WDR7: variants seen among roughly 807,000 people sequenced by gnomAD.
WDR7 encodes the protein WD repeat domain 7.
Under a neutral mutation model 169.4 loss-of-function variants are expected in WDR7, and 46 were observed. That is an observed-to-expected ratio of 0.27 (90% CI 0.21 to 0.35). The LOEUF (loss-of-function observed/expected upper bound fraction) is 0.35. Among genes scored for constraint, WDR7 ranks in the 10% least tolerant of loss-of-function variants. WDR7 has a pLI of 1.00. For synonymous variants in WDR7, 612 were observed against 666.8 expected, an observed-to-expected ratio of 0.92 and a Z score of 1.27; for missense variants, 1,534 against 1,859.3, an observed-to-expected ratio of 0.83 and a Z score of 3.22.
intron 12 of WDR7, among the ~76,000 whole-genome samples, chr18:56,698,458 T>C (rs2144653314): frequency 6.6e-6 from 1 of 151,652 alleles, no homozygotes; most frequent in Non-Finnish European, 1.5e-5. Flanking sequence ...TACAAAAAAT[T>C]AGCTGGGCAT....
intron 20 of WDR7, among the ~76,000 whole-genome samples, chr18:56,843,043 T>C (rs1318002445): frequency 6.6e-6 from 1 of 152,224 alleles, no homozygotes; most frequent in East Asian, 1.9e-4. Flanking sequence ...AAGCTTTGAT[T>C]CTGGTGATTC....
intron 19 of WDR7, among the ~76,000 whole-genome samples, chr18:56,801,194 C>G (rs115609773): frequency 1.4e-3 from 220 of 152,182 alleles, no homozygotes; most frequent in African/African-American, 5.0e-3. Context: ...TTTTTCAACC[C>G]TAGAAGACAT....
At chr18:56,980,573 A>T (rs1025898393) in intron 26 of WDR7, among the ~76,000 whole-genome samples, 2 of 148,894 alleles carry the variant, frequency 1.3e-5, no homozygotes, top group African/African-American at 5.2e-5. Flanking sequence ...AAATAATTAA[A>T]GAAACACATT....
intron 14 of WDR7, among the ~76,000 whole-genome samples, chr18:56,734,276 G>A (rs907303259): frequency 5.9e-5 from 9 of 151,876 alleles, no homozygotes; most frequent in Middle Eastern, 3.4e-3. Flanking sequence ...CTTTATTCCC[G>A]TTCCTTTTGA....
chr18:57,024,986 A>G (rs1021902197), intron 27 of WDR7, among the ~76,000 whole-genome samples: 2 of 152,184 alleles, frequency 1.3e-5, no homozygotes, highest in Admixed American at 1.3e-4. Context: ...GGCATTTATC[A>G]AAGTAGGGAT....
At chr18:56,767,931 C>T (rs962993707) in intron 16 of WDR7, among the ~76,000 whole-genome samples, 3 of 152,238 alleles carry the variant, frequency 2.0e-5, no homozygotes, top group Admixed American at 6.5e-5. Flanking sequence ...ATATACTCAA[C>T]GAATCAATGG....
At chr18:56,959,180 G>A (rs1180205205) in intron 25 of WDR7, among the ~76,000 whole-genome samples, 1 of 152,060 alleles carries the variant, frequency 6.6e-6, no homozygotes, top group East Asian at 1.9e-4. Context: ...TTCAAGCAGA[G>A]GGAGCAGCAA....
In WDR7 at chr18:56,731,542, A is replaced by G. The variant is rs765647665; in HGVS notation, c.1934A>G (p.His645Arg). ...CTTGCTGCTCTTAAAAATATGGCCC[A>G]TCATAAGCTACAAACCCTTGCAACT... ...RSLAALKNMAHHKLQTLATNL... is the reference protein window; with the variant it reads ...RSLAALKNMARHKLQTLATNL... Residue 645 changes from histidine (H) to arginine (R), a missense_variant, in exon 14 of 28, where the codon CAT (histidine) becomes CGT (arginine). His to Arg is a conservative substitution (Grantham distance 29). Transcript: ENST00000254442. 12 of 1,614,130 alleles carry G rather than the reference A, an allele frequency of 7.4e-6. No individual in the cohort carries two copies. The highest frequency in any genetic ancestry group is 8.5e-7 in the Non-Finnish European group (1 of 1,180,024).
chr18:56,774,734 A>G (rs1277407737), intron 16 of WDR7, among the ~76,000 whole-genome samples: 1 of 152,078 alleles, frequency 6.6e-6, no homozygotes, highest in African/African-American at 2.4e-5. Flanking sequence ...AAAGTGCTGT[A>G]GATTTTGCCA....
chr18:57,014,588 C>T (rs767854078), intron 26 of WDR7, among the ~76,000 whole-genome samples: 1 of 151,608 alleles, frequency 6.6e-6, no homozygotes, highest in Non-Finnish European at 1.5e-5. Context: ...ACCTGAGATG[C>T]GGAGGTTGCA....
chr18:56,960,138 AATGAAAAATGCAG>A (rs1430460917), intron 25 of WDR7, among the ~76,000 whole-genome samples: 1 of 152,234 alleles, frequency 6.6e-6, no homozygotes, highest in Non-Finnish European at 1.5e-5. Flanking sequence ...AATTCCAAAG[AATGAAAAATGCAG>A]ACCTGTAATA....
chr18:56,996,955 A>AG (rs1312053916), intron 26 of WDR7, among the ~76,000 whole-genome samples: 2 of 152,220 alleles, frequency 1.3e-5, no homozygotes, highest in African/African-American at 4.8e-5. Flanking sequence ...ACTAAGAAGA[A>AG]GAAAAAAAAA....
Position 56,757,254 on chromosome 18 carries a change from C to T in WDR7, c.2661C>T (p.Thr887=), listed in dbSNP as rs533896959. The part of the protein sequence containing the change: ...KGTYGVSRAV[T]TQHLLSIISL... Reference sequence around the variant, plus strand: ...CTTACGGAGTGTCCCGTGCCGTCACCACACAGCATCTCCTGTCTATCATTT... The same window carrying T: ...CTTACGGAGTGTCCCGTGCCGTCACTACACAGCATCTCCTGTCTATCATTT... Residue 887 remains threonine, a synonymous_variant, in exon 15 of 28, where the codon ACC becomes ACT. Transcript: ENST00000254442. 1 of 1,614,148 alleles carries T rather than the reference C, an allele frequency of 6.2e-7. No individual in the cohort carries two copies. Among genetic ancestry groups the T allele is most frequent in the Middle Eastern group, 1.6e-4 (1 of 6,062 alleles).
chr18:56,882,893 G>T (rs564488131), intron 21 of WDR7, among the ~76,000 whole-genome samples: 1 of 152,226 alleles, frequency 6.6e-6, no homozygotes, highest in South Asian at 2.1e-4. Context: ...GTTTCATTTA[G>T]AATTTTTCCA....
chr18:56,702,749 A>G (rs1042667651), intron 12 of WDR7, among the ~76,000 whole-genome samples: 1 of 152,244 alleles, frequency 6.6e-6, no homozygotes, highest in African/African-American at 2.4e-5. Context: ...AGGGAAAGCT[A>G]GTGCCAAATT....
chr18:56,959,056 C>T (rs184937847), intron 25 of WDR7, among the ~76,000 whole-genome samples: 1 of 152,154 alleles, frequency 6.6e-6, no homozygotes, highest in East Asian at 1.9e-4. Flanking sequence ...GGGTAAAAGG[C>T]TGTTGTGTTA....
At chr18:56,916,105 T>G (rs6566844) in intron 21 of WDR7, among the ~76,000 whole-genome samples, 127,151 of 152,122 alleles carry the variant, frequency 0.84, 53,327 homozygotes, top group East Asian at 0.98. Context: ...GAAACATCAA[T>G]GGAAAACTTA....
intron 25 of WDR7, among the ~76,000 whole-genome samples, chr18:56,948,421 A>G (rs191758573): frequency 2.0e-5 from 3 of 152,340 alleles, no homozygotes; most frequent in Admixed American, 6.5e-5. Flanking sequence ...TTCAAAAAAA[A>G]AAAAGATCCT....
chr18:56,978,614 A>C (rs1476604069), intron 26 of WDR7, among the ~76,000 whole-genome samples: 1 of 152,196 alleles, frequency 6.6e-6, no homozygotes, highest in Non-Finnish European at 1.5e-5. Context: ...CTGATGATGT[A>C]TGTGTGTTTA....
Sources: allele counts gnomAD v4.1 joint callset (sites outside exome capture counted in the v4.1 genomes callset), GRCh38; gene constraint gnomAD v4.1.1; transcripts MANE v1.5; gene names NCBI Gene and HGNC (gene_info 2026-07-23, HGNC 2026-07-21).